CNMD: variants seen among roughly 807,000 people sequenced by gnomAD.
The protein encoded by CNMD is leukocyte cell-derived chemotaxin 1.
A neutral mutation model predicts 37.5 loss-of-function variants in CNMD; 30 were observed. That is an observed-to-expected ratio of 0.80 (90% CI 0.60 to 1.09). The LOEUF is 1.09. Ranked by LOEUF, CNMD falls within the 50% of genes least tolerant of loss-of-function variation. The pLI is 0.00. For synonymous variants in CNMD, 167 were observed against 148.2 expected, an observed-to-expected ratio of 1.13 and a Z score of -0.92; for missense variants, 398 against 423.9, an observed-to-expected ratio of 0.94 and a Z score of 0.54.
chr13:52,736,207 G>T (rs2138281820), intron 2 of CNMD, among the ~76,000 whole-genome samples: 1 of 152,330 alleles, frequency 6.6e-6, no homozygotes, highest in Non-Finnish European at 1.5e-5. Flanking sequence ...TGTTAGCCAG[G>T]ATGGTCTCCA....
chr13:52,734,267 G>A (rs891590312), intron 2 of CNMD, among the ~76,000 whole-genome samples: 1 of 152,146 alleles, frequency 6.6e-6, no homozygotes, highest in African/African-American at 2.4e-5. Flanking sequence ...GGGATCTCCC[G>A]GGCATGGCCT....
intron 6 of CNMD, among the ~76,000 whole-genome samples, chr13:52,704,283 C>G (rs1211177437): frequency 1.3e-5 from 2 of 152,174 alleles, no homozygotes; most frequent in African/African-American, 4.8e-5. Flanking sequence ...AGACAGATTT[C>G]AATTCCAGTT....
intron 4 of CNMD, among the ~76,000 whole-genome samples, chr13:52,719,056 G>T (rs569328991): frequency 1.6e-3 from 239 of 152,280 alleles, no homozygotes; most frequent in African/African-American, 5.6e-3. Context: ...TCTTCTGGTT[G>T]CATTGATCCT....
intron 3 of CNMD, among the ~76,000 whole-genome samples, chr13:52,727,509 T>A (rs1308754755): frequency 6.6e-6 from 1 of 152,012 alleles, no homozygotes; most frequent in Non-Finnish European, 1.5e-5. Flanking sequence ...AAAAAAATTT[T>A]AAAAATTAGC....
intron 6 of CNMD, among the ~76,000 whole-genome samples, chr13:52,707,085 G>A (rs1964194138): frequency 6.6e-6 from 1 of 151,938 alleles, no homozygotes; most frequent in African/African-American, 2.4e-5. Flanking sequence ...GTAGAGACGG[G>A]GTTTTACCAT....
chr13:52,734,361 T>C (rs369910664), intron 2 of CNMD, among the ~76,000 whole-genome samples: 13 of 152,366 alleles, frequency 8.5e-5, no homozygotes, highest in African/African-American at 3.1e-4. Context: ...TTCTGTCTTA[T>C]GTGTTGCATT....
intron 3 of CNMD, among the ~76,000 whole-genome samples, chr13:52,725,453 A>C (rs1472185150): frequency 6.6e-6 from 1 of 151,676 alleles, no homozygotes; most frequent in East Asian, 1.9e-4. Context: ...CTCCTGAGAG[A>C]TATAAACAAT....
intron 2 of CNMD, among the ~76,000 whole-genome samples, chr13:52,737,431 C>T (rs538880559): frequency 6.6e-6 from 1 of 152,274 alleles, no homozygotes; most frequent in South Asian, 2.1e-4. Flanking sequence ...GCATTTAATA[C>T]TGCTCTCCTG....
chr13:52,728,461 G>C (rs1964611514), intron 3 of CNMD, among the ~76,000 whole-genome samples: 1 of 152,148 alleles, frequency 6.6e-6, no homozygotes, highest in South Asian at 2.1e-4. Context: ...AGTAGGTCTG[G>C]GGTGGGGCCT....
Position 52,703,407 on chromosome 13 carries a change from C to G in CNMD, c.*188G>C. 1 of 512,660 alleles carries G rather than the reference C, an allele frequency of 2.0e-6. No individual in the cohort carries two copies. The highest frequency in any genetic ancestry group is 3.5e-6 in the Non-Finnish European group (1 of 286,378). 31.8% of individuals were successfully genotyped at this position (512,660 alleles called of 1,614,324 possible). A position where few individuals can be genotyped will look rare whatever the true frequency, so the allele number is the denominator to read the frequency against. On this transcript the variant is annotated 3_prime_UTR_variant, in exon 7 of 7. Transcript: ENST00000377962. ...GCATTTTAGACTTGAACTACCCTTT[C>G]AGTACATTTGCATATACTAAAGTTC...
At chr13:52,707,662 T>A (rs563595177) in intron 6 of CNMD, among the ~76,000 whole-genome samples, 3 of 152,258 alleles carry the variant, frequency 2.0e-5, no homozygotes, top group Admixed American at 2.0e-4. Context: ...TTTCAAATAA[T>A]CAAATTCCTG....
chr13:52,706,867 G>A (rs1238534832), intron 6 of CNMD, among the ~76,000 whole-genome samples: 1 of 151,848 alleles, frequency 6.6e-6, no homozygotes, highest in Non-Finnish European at 1.5e-5. Context: ...CTTTTGTACT[G>A]TTTTTAAAAA....
At chr13:52,733,702 A>G (rs1031527497) in intron 2 of CNMD, among the ~76,000 whole-genome samples, 1 of 152,166 alleles carries the variant, frequency 6.6e-6, no homozygotes, top group Non-Finnish European at 1.5e-5. Context: ...AAGCTGTGGG[A>G]AGGGCGCTTG....
chr13:52,715,362 T>A lies in CNMD; in HGVS notation c.469-2493A>T, dbSNP rs181793468. Among the ~76,000 whole-genome samples the A allele has an allele frequency of 2.6e-4, 40 of 152,318 alleles. No individual in the cohort carries two copies. The East Asian group carries it at 4.2e-3, about 16-fold the overall frequency. On this transcript the variant is annotated intron_variant, in intron 4 of 6. Transcript: ENST00000377962. ...ATGAGTTCAACTGTTTTAATTTTTT[T>A]AAATTATACTTTAAATTCTGGGATA...
At chr13:52,738,944 C>T in intron 2 of CNMD, 87 bp downstream of exon 2, 3 of 1,273,546 alleles carry the variant, frequency 2.4e-6, no homozygotes, top group Non-Finnish European at 3.0e-6. Flanking sequence ...CCGGCAGCCG[C>T]GCGCCCCTCG....
chr13:52,706,729 GTGTGTGTGTA>G (rs1008204786), intron 6 of CNMD, among the ~76,000 whole-genome samples: 13 of 16,480 alleles, frequency 7.9e-4, no homozygotes, highest in Non-Finnish European at 1.2e-3. Context: ...TTAAAAGTGT[GTGTGTGTGTA>G]TGTGTGTGTG....
intron 4 of CNMD, among the ~76,000 whole-genome samples, chr13:52,718,699 C>G (rs1299151276): frequency 6.6e-6 from 1 of 152,146 alleles, no homozygotes; most frequent in East Asian, 1.9e-4. Context: ...GTACTGTGGT[C>G]TGAGAGACTG....
rs565557768 is a variant in CNMD, at chr13:52,738,956, C to A, written c.213+75G>T. 1,933 of 1,336,584 alleles carry A rather than the reference C, an allele frequency of 1.4e-3. 26 individuals are homozygous for A. In the African/African-American group the frequency reaches 0.027, roughly 19 times the overall value. The allele number at this position is 1,336,584 out of a possible 1,614,324, so 82.8% of individuals were successfully genotyped here. ...CCGCCGGCAGCCGCGCGCCCCTCGC[C>A]GGCCCGCGCTCGGGCTCCCCCTAGG... On this transcript the variant is annotated intron_variant, in intron 2 of 6. Coordinates refer to ENST00000377962, the MANE Select transcript of CNMD (RefSeq NM_007015.3).
chr13:52,724,950 T>A (rs188410171), intron 3 of CNMD, among the ~76,000 whole-genome samples: 2 of 152,276 alleles, frequency 1.3e-5, no homozygotes. Flanking sequence ...TAATAACTGT[T>A]AAGAAGAAAA....
Sources: gnomAD v4.1 joint callset for allele counts (sites outside exome capture counted in the v4.1 genomes callset) on GRCh38, gnomAD v4.1.1 for gene constraint, MANE v1.5 for transcripts, NCBI Gene and HGNC (gene_info 2026-07-23, HGNC 2026-07-21) for gene names.